Variants in BFSP2 observed in about 807,000 individuals in gnomAD.
BFSP2 encodes the protein phakinin.
Under a neutral mutation model 44.9 loss-of-function variants are expected in BFSP2, and 38 were observed. That is an observed-to-expected ratio of 0.85 (90% CI 0.65 to 1.11). The LOEUF (loss-of-function observed/expected upper bound fraction) is 1.11. Ranked by LOEUF, BFSP2 falls within the 50% of genes least tolerant of loss-of-function variation. The probability of loss-of-function intolerance (pLI) is 0.00; values close to 1 mark genes in which losing one functional copy is unlikely to be tolerated. For missense variants in BFSP2, 525 were observed against 533.0 expected, an observed-to-expected ratio of 0.99 and a Z score of 0.15; for synonymous variants, 197 against 209.9, an observed-to-expected ratio of 0.94 and a Z score of 0.53.
chr3:133,474,408 C>G (rs1471919417), intron 6 of BFSP2, among the ~76,000 whole-genome samples: 1 of 152,242 alleles, frequency 6.6e-6, no homozygotes, highest in East Asian at 1.9e-4. Flanking sequence ...TGTGTAACCT[C>G]TCTTTATTCA....
Position 133,472,494 on chromosome 3 carries a change from G to A in BFSP2, c.1173G>A (p.Leu391=). ...AEQQQQERAH[L]LARKCQLQKD... ...AGCAGCAACAGGAGCGCGCGCATCTGCTGGCCCGCAAGTGCCAGCTGCAGA... is the reference window on the plus strand; with the variant it reads ...AGCAGCAACAGGAGCGCGCGCATCTACTGGCCCGCAAGTGCCAGCTGCAGA... Residue 391 remains leucine, a synonymous_variant, in exon 6 of 7, where the codon CTG becomes CTA. Coordinates refer to ENST00000302334, the MANE Select transcript of BFSP2 (RefSeq NM_003571.4). The A allele has an allele frequency of 1.2e-6, 2 of 1,613,444 alleles. No homozygotes were observed. The highest frequency in any genetic ancestry group is 1.7e-6 in the Non-Finnish European group (2 of 1,180,016).
At chr3:133,414,863 ACCTGCCCTCTCCCCTCTACTCATC>A (rs1439666767) in intron 1 of BFSP2, among the ~76,000 whole-genome samples, 868 of 37,890 alleles carry the variant, frequency 0.023, 28 homozygotes, top group African/African-American at 0.083. Flanking sequence ...ATCTACTCAC[ACCTGCCCTCTCCCCTCTACTCATC>A]CCTGTCCTCT....
At chr3:133,425,505 T>C (rs1397313023) in intron 1 of BFSP2, among the ~76,000 whole-genome samples, 1 of 152,212 alleles carries the variant, frequency 6.6e-6, no homozygotes, top group Non-Finnish European at 1.5e-5. Flanking sequence ...GAGGGTCCCA[T>C]GATTTTTCTG....
intron 1 of BFSP2, among the ~76,000 whole-genome samples, chr3:133,424,642 GTTA>G (rs1274412851): frequency 6.6e-6 from 1 of 151,896 alleles, no homozygotes; most frequent in Admixed American, 6.6e-5. Context: ...GATTGTTGTT[GTTA>G]TTGTTTTTGA....
At chr3:133,448,823 C>G (rs537669301) in intron 3 of BFSP2, 178 bp downstream of exon 3, 2 of 789,672 alleles carry the variant, frequency 2.5e-6, no homozygotes, top group African/African-American at 3.5e-5. Context: ...CAGGTTACCC[C>G]AGCAGTCTCA....
chr3:133,463,219 G>A (rs1052374625), intron 4 of BFSP2, among the ~76,000 whole-genome samples: 1 of 152,180 alleles, frequency 6.6e-6, no homozygotes, highest in Non-Finnish European at 1.5e-5. Context: ...TGAGGCAGGA[G>A]AATTGCTTGA....
At chr3:133,447,257 G>A in intron 1 of BFSP2, 60 bp from the exon 2 acceptor site, 1 of 1,569,312 alleles carries the variant, frequency 6.4e-7, no homozygotes, top group Non-Finnish European at 8.8e-7. Flanking sequence ...AAGTCATGGT[G>A]GTAAGTGATC....
chr3:133,455,166 T>C (rs927850391), intron 4 of BFSP2, among the ~76,000 whole-genome samples: 7 of 152,262 alleles, frequency 4.6e-5, no homozygotes, highest in African/African-American at 1.7e-4. Flanking sequence ...ATAAAAAGTA[T>C]AGATACAGTA....
At chr3:133,464,104 C>T (rs2074088369) in intron 4 of BFSP2, among the ~76,000 whole-genome samples, 1 of 152,160 alleles carries the variant, frequency 6.6e-6, no homozygotes. Flanking sequence ...CTCCTACCTA[C>T]CTACACAGCC....
At chr3:133,412,949 C>G (rs181266280) in intron 1 of BFSP2, among the ~76,000 whole-genome samples, 183 of 152,336 alleles carry the variant, frequency 1.2e-3, no homozygotes, top group Non-Finnish European at 1.9e-3. Flanking sequence ...TGGTTAGATA[C>G]TGACGTGGAG....
At chr3:133,406,637 G>A (rs956455337) in intron 1 of BFSP2, among the ~76,000 whole-genome samples, 2 of 152,146 alleles carry the variant, frequency 1.3e-5, no homozygotes, top group Non-Finnish European at 2.9e-5. Context: ...GAATAATGAG[G>A]ATGATTAGAG....
At chr3:133,402,033 G>A (rs924803948) in intron 1 of BFSP2, among the ~76,000 whole-genome samples, 2 of 152,096 alleles carry the variant, frequency 1.3e-5, no homozygotes, top group African/African-American at 4.8e-5. Context: ...GGGCCTTAAC[G>A]CCTGTCAAAT....
intron 1 of BFSP2, among the ~76,000 whole-genome samples, chr3:133,438,493 C>T (rs755616339): frequency 5.3e-5 from 8 of 152,256 alleles, no homozygotes; most frequent in South Asian, 4.1e-4. Context: ...TGAGATCACA[C>T]CACTGCACTC....
intron 1 of BFSP2, among the ~76,000 whole-genome samples, chr3:133,437,750 G>A (rs1470546864): frequency 6.6e-6 from 1 of 152,194 alleles, no homozygotes; most frequent in Admixed American, 6.5e-5. Flanking sequence ...AGATGGCTGA[G>A]CATGGGTTTT....
chr3:133,419,434 T>C (rs2073572966), intron 1 of BFSP2, among the ~76,000 whole-genome samples: 2 of 152,162 alleles, frequency 1.3e-5, no homozygotes, highest in East Asian at 1.9e-4. Context: ...GTCACATTCA[T>C]CTATAAGGCC....
In BFSP2 at chr3:133,447,342, C is replaced by T; in HGVS notation, c.515C>T (p.Ala172Val). 4.3e-6 allele frequency: 7 copies of T among 1,613,972 alleles called. No individual in the cohort carries two copies. Among genetic ancestry groups the T allele is most frequent in the Non-Finnish European group, 5.9e-6 (7 of 1,180,006 alleles). ...GTGGGTGAGGCAGTCTTGGAAAATG[C>T]CCGGCTCATGCTGCAGACAGAAACT... ...QQVGEAVLENARLMLQTETIQ... is the reference protein window; with the variant it reads ...QQVGEAVLENVRLMLQTETIQ... Residue 172 changes from alanine (A) to valine (V), a missense_variant, in exon 2 of 7, where the codon GCC (alanine) becomes GTC (valine). Physicochemically the swap from Ala to Val is moderately conservative, Grantham distance 64. Coordinates refer to ENST00000302334, the MANE Select transcript of BFSP2 (RefSeq NM_003571.4).
At chr3:133,468,282 G>A (rs1559984655) in intron 5 of BFSP2, among the ~76,000 whole-genome samples, 1 of 152,166 alleles carries the variant, frequency 6.6e-6, no homozygotes, top group Non-Finnish European at 1.5e-5. Flanking sequence ...AGACTTCGTG[G>A]TGGGTGCTCT....
At chr3:133,417,465 C>G (rs1364729257) in intron 1 of BFSP2, among the ~76,000 whole-genome samples, 5 of 132,250 alleles carry the variant, frequency 3.8e-5, no homozygotes, top group Non-Finnish European at 3.2e-5. Flanking sequence ...CTACTCACCC[C>G]TACCCTCTCC....
chr3:133,460,182 C>T (rs2107935009), intron 4 of BFSP2, among the ~76,000 whole-genome samples: 1 of 152,310 alleles, frequency 6.6e-6, no homozygotes, highest in East Asian at 1.9e-4. Context: ...ACCAAGGGTT[C>T]TAAGCACCCG....
Sources: gnomAD v4.1 joint callset for allele counts (sites outside exome capture counted in the v4.1 genomes callset) on GRCh38, gnomAD v4.1.1 for gene constraint, MANE v1.5 for transcripts, NCBI Gene and HGNC (gene_info 2026-07-23, HGNC 2026-07-21) for gene names.